RABGAP1L: variants seen among roughly 807,000 people sequenced by gnomAD.
The protein encoded by RABGAP1L is RAB GTPase activating protein 1 like, also known as rab GTPase-activating protein 1-like.
A neutral mutation model predicts 137.7 loss-of-function variants in RABGAP1L; 63 were observed. The ratio of observed to expected loss-of-function variants is 0.46; its 90% CI spans 0.37 to 0.56. The LOEUF (loss-of-function observed/expected upper bound fraction) is 0.56, where lower values mean the gene tolerates loss of function less well. RABGAP1L is among the 20% of genes least tolerant of loss of function. The pLI is 0.00. For missense variants in RABGAP1L, 1,095 were observed against 1,244.0 expected (o/e 0.88, Z 1.80); for synonymous variants, 431 against 433.7 (o/e 0.99, Z 0.08).
At chr1:174,986,327 A>C (rs1195511594) in intron 24 of RABGAP1L, among the ~76,000 whole-genome samples, 1 of 152,182 alleles carries the variant, frequency 6.6e-6, no homozygotes, top group Non-Finnish European at 1.5e-5. Context: ...AAGGAGATGC[A>C]GGATATAAAG....
intron 19 of RABGAP1L, among the ~76,000 whole-genome samples, chr1:174,863,140 C>T (rs1017980725): frequency 8.9e-5 from 13 of 146,564 alleles, no homozygotes; most frequent in Non-Finnish European, 1.6e-4. Flanking sequence ...ATGTTCCACC[C>T]ACCTCGGCGT....
chr1:174,659,809 G>GTCCCA (rs1676241878), intron 14 of RABGAP1L, among the ~76,000 whole-genome samples: 3 of 152,152 alleles, frequency 2.0e-5, no homozygotes, highest in Admixed American at 2.0e-4. Context: ...CTGCTCACCC[G>GTCCCA]TAGTTTTTTT....
chr1:174,292,098 C>T (rs183424383), intron 10 of RABGAP1L, among the ~76,000 whole-genome samples: 207 of 149,178 alleles, frequency 1.4e-3, no homozygotes, highest in African/African-American at 4.8e-3. Context: ...AGTGCAGTGG[C>T]ACGACCATAG....
intron 19 of RABGAP1L, among the ~76,000 whole-genome samples, chr1:174,825,306 C>T (rs1403698884): frequency 6.6e-6 from 1 of 152,228 alleles, no homozygotes; most frequent in Admixed American, 6.5e-5. Context: ...GTCACGTTCT[C>T]ATTGTGGCAC....
rs189166705 is a variant in RABGAP1L at position 174,203,989 on chromosome 1, G to A, written c.-33-15136G>A. On this transcript the variant is annotated intron_variant, in intron 1 of 25. Transcript: ENST00000681986. Reference sequence around the variant, plus strand: ...AGTGTATCTCTCTGTTGCCCAGAGTGCAGTGGCACTAGAGTGCAGTGGCAC... The same window carrying A: ...AGTGTATCTCTCTGTTGCCCAGAGTACAGTGGCACTAGAGTGCAGTGGCAC... Among the ~76,000 whole-genome samples, 5 of 149,814 alleles carry A rather than the reference G, an allele frequency of 3.3e-5. No homozygotes were observed. In the South Asian group the frequency reaches 6.3e-4, roughly 19 times the overall value.
At chr1:174,305,552 T>A (rs945166857) in intron 11 of RABGAP1L, among the ~76,000 whole-genome samples, 2 of 151,870 alleles carry the variant, frequency 1.3e-5, no homozygotes, top group African/African-American at 4.8e-5. Context: ...TTGGCTACTT[T>A]TTTTTGTATT....
chr1:174,914,499 A>G (rs1342205462), intron 19 of RABGAP1L, among the ~76,000 whole-genome samples: 4 of 152,208 alleles, frequency 2.6e-5, no homozygotes, highest in Non-Finnish European at 5.9e-5. Context: ...TGGATACTGA[A>G]GTACAACTTT....
chr1:174,434,796 C>T (rs1351226695), intron 13 of RABGAP1L, among the ~76,000 whole-genome samples: 4 of 151,912 alleles, frequency 2.6e-5, no homozygotes, highest in Non-Finnish European at 5.9e-5. Flanking sequence ...TGTGAAGTGT[C>T]TTCCAGTTTT....
rs185473982 is a variant in RABGAP1L at position 174,553,467 on chromosome 1, A to C, written c.1711-83908A>C. 1.1e-3 allele frequency among the ~76,000 whole-genome samples: 163 copies of C among 152,258 alleles called. 1 individual carries two copies. The highest frequency in any genetic ancestry group is 3.5e-3 in the African/African-American group (147 of 41,564). ...ATATGGCTAGCCAGTTATCCCAGCC[A>C]AGATATTTCACTAGTGAATTTTACC... is the stretch of plus-strand genomic sequence containing the variant. On this transcript the variant is annotated intron_variant, in intron 13 of 25. Transcript: ENST00000681986.
intron 1 of RABGAP1L, among the ~76,000 whole-genome samples, chr1:174,189,756 C>G (rs1226238537): frequency 6.6e-6 from 1 of 152,076 alleles, no homozygotes; most frequent in East Asian, 1.9e-4. Context: ...ATTGCTTGAT[C>G]CCAGGAGTTT....
At chr1:174,788,514 G>A (rs986358633) in intron 18 of RABGAP1L, among the ~76,000 whole-genome samples, 1 of 152,094 alleles carries the variant, frequency 6.6e-6, no homozygotes, top group East Asian at 1.9e-4. Flanking sequence ...TCTCACATTC[G>A]ATTGACTACA....
intron 19 of RABGAP1L, among the ~76,000 whole-genome samples, chr1:174,952,176 T>G (rs971714242): frequency 6.6e-6 from 1 of 152,016 alleles, no homozygotes; most frequent in East Asian, 1.9e-4. Context: ...AACTCCTAAA[T>G]AAACAAAGCC....
Position 174,610,666 on chromosome 1 carries a change from C to T in RABGAP1L, c.1711-26709C>T, listed in dbSNP as rs558852985. On this transcript the variant is annotated intron_variant, in intron 13 of 25. Coordinates refer to ENST00000681986, the MANE Select transcript of RABGAP1L (RefSeq NM_001366446.1). ...CAATGGTTGAACTAGATTACAGTCC[C>T]ACCAACAGTGTAAAAGTATTCCTAT... 3.5e-3 allele frequency among the ~76,000 whole-genome samples: 540 copies of T among 152,274 alleles called. 5 individuals carry two copies. Among genetic ancestry groups the T allele is most frequent in the African/African-American group, 0.011 (464 of 41,560 alleles).
intron 19 of RABGAP1L, among the ~76,000 whole-genome samples, chr1:174,872,407 CT>C (rs750343514): frequency 7.9e-5 from 12 of 152,060 alleles, no homozygotes; most frequent in Non-Finnish European, 1.5e-4. Context: ...TCTGATATTT[CT>C]ATGGTTTCTC....
intron 13 of RABGAP1L, among the ~76,000 whole-genome samples, chr1:174,598,326 CA>C (rs35838560): frequency 0.32 from 22,296 of 68,684 alleles, 1,458 homozygotes; most frequent in East Asian, 0.52. Flanking sequence ...GACTCTGTCT[CA>C]AAAAAAAAAA....
chr1:174,452,393 A>C (rs1363672961), intron 13 of RABGAP1L, among the ~76,000 whole-genome samples: 1 of 152,186 alleles, frequency 6.6e-6, no homozygotes, highest in Admixed American at 6.5e-5. Context: ...CAAATGCTCC[A>C]AAACCTTAGT....
chr1:174,448,190 T>G lies in RABGAP1L; in HGVS notation c.1710+54045T>G. 6.2e-7 allele frequency: 1 copy of G among 1,613,874 alleles called. No homozygotes were observed. The highest frequency in any genetic ancestry group is 8.5e-7 in the Non-Finnish European group (1 of 1,179,782). ...TGTGAATGTGTCCGAGCGTCACTCCTGCCCACTTGGATTTGGCCACTACAG... is the reference window on the plus strand; with the variant it reads ...TGTGAATGTGTCCGAGCGTCACTCCGGCCCACTTGGATTTGGCCACTACAG... On this transcript the variant is annotated intron_variant, in intron 13 of 25. Coordinates refer to ENST00000681986, the MANE Select transcript of RABGAP1L (RefSeq NM_001366446.1). The surrounding 1 kb of genome is among the most constrained non-coding windows in gnomAD (Gnocchi z 4.2).
chr1:174,572,178 G>A (rs557709078), intron 13 of RABGAP1L, among the ~76,000 whole-genome samples: 3 of 152,228 alleles, frequency 2.0e-5, no homozygotes, highest in South Asian at 2.1e-4. Flanking sequence ...CATGGACTAC[G>A]GAGTAAGACC....
chr1:174,424,127 T>G (rs924889130), intron 13 of RABGAP1L, among the ~76,000 whole-genome samples: 4 of 152,130 alleles, frequency 2.6e-5, no homozygotes, highest in African/African-American at 7.2e-5. Context: ...AATATGTGTC[T>G]ATGGTTTTTA....
Sources: allele counts gnomAD v4.1 joint callset (sites outside exome capture counted in the v4.1 genomes callset), GRCh38; gene constraint gnomAD v4.1.1; non-coding constraint Gnocchi (gnomAD v3.1); transcripts MANE v1.5; gene names NCBI Gene and HGNC (gene_info 2026-07-23, HGNC 2026-07-21).